SDHA: variants seen among roughly 807,000 people sequenced by gnomAD.
SDHA encodes the protein succinate dehydrogenase [ubiquinone] flavoprotein subunit, mitochondrial.
In SDHA, 48 loss-of-function variants were observed where a neutral mutation model predicts 78.4. The observed-to-expected ratio is 0.61, with a 90% confidence interval of 0.49 to 0.78. The LOEUF (loss-of-function observed/expected upper bound fraction) is 0.78, where lower values mean the gene tolerates loss of function less well. Ranked by LOEUF, SDHA falls within the 30% of genes least tolerant of loss-of-function variation. The pLI is 0.00. For missense variants in SDHA, 680 were observed against 892.7 expected (o/e 0.76, Z 3.04); for synonymous variants, 326 against 353.9 (o/e 0.92, Z 0.88).
At chr5:258,769 C>A (rs1426176435), downstream of SDHA, among the ~76,000 whole-genome samples, 2 of 88,744 alleles carry the variant, frequency 2.3e-5, no homozygotes, top group South Asian at 3.7e-4. Flanking sequence ...CTCCGCCCCC[C>A]GCCACAGCAT....
the SDHA span, among the ~76,000 whole-genome samples, chr5:265,450 G>A: frequency 1.3e-5 from 2 of 152,168 alleles, no homozygotes; most frequent in Non-Finnish European, 2.9e-5. Context: ...CACTCTTGGA[G>A]GTACCTAGGG....
At chr5:265,757 T>C in the SDHA span, among the ~76,000 whole-genome samples, 3 of 149,984 alleles carry the variant, frequency 2.0e-5, no homozygotes, top group African/African-American at 7.4e-5. Context: ...GAGGCGGAGG[T>C]TGCAGTGAGC....
intron 4 of SDHA, 128 bp from the exon 5 acceptor site, chr5:225,755 T>A: frequency 7.2e-7 from 1 of 1,397,226 alleles, no homozygotes; most frequent in South Asian, 1.2e-5. Flanking sequence ...GATGAAGTGT[T>A]GACATTTTCA....
chr5:268,412 C>T, the SDHA span, among the ~76,000 whole-genome samples: 17 of 151,996 alleles, frequency 1.1e-4, 1 homozygote, highest in South Asian at 4.2e-4. Flanking sequence ...TTGATCCACC[C>T]GCCTCAGCCT....
chr5:258,501 T>A (rs1737354392), downstream of SDHA, among the ~76,000 whole-genome samples: 1 of 108,686 alleles, frequency 9.2e-6, no homozygotes, highest in Admixed American at 8.9e-5. Flanking sequence ...AGCATTACCG[T>A]GTGAGCTCCG....
chr5:241,671 TTC>T (rs1370791692), intron 11 of SDHA, among the ~76,000 whole-genome samples: 1 of 152,240 alleles, frequency 6.6e-6, no homozygotes, highest in African/African-American at 2.4e-5. Context: ...TTGCAAGAAT[TTC>T]TGTGTATTTT....
rs1167879925 is a variant in SDHA, at chr5:233,326, G to A, written c.896-151G>A. On this transcript the variant is annotated intron_variant, in intron 7 of 14. Transcript: ENST00000264932. ...CTTTTTGTTATCCAGACTTTCTACT[G>A]TATCTTAACTGTCTTGCTGTGCAGT... 4 of 778,798 alleles carry A rather than the reference G, an allele frequency of 5.1e-6. No homozygotes were observed. The African/African-American group carries it at 6.9e-5, about 13-fold the overall frequency. 48.2% of individuals were successfully genotyped at this position (778,798 alleles called of 1,614,324 possible). A position where few individuals can be genotyped will look rare whatever the true frequency, so the allele number is the denominator to read the frequency against.
chr5:253,941 T>C (rs1033578003), intron 13 of SDHA, among the ~76,000 whole-genome samples: 4 of 152,014 alleles, frequency 2.6e-5, no homozygotes, highest in Admixed American at 6.5e-5. Context: ...CACAGGAGGC[T>C]GAGGCAGGAG....
the SDHA span, among the ~76,000 whole-genome samples, chr5:264,163 A>G: frequency 6.6e-6 from 1 of 152,268 alleles, no homozygotes; most frequent in African/African-American, 2.4e-5. Flanking sequence ...ACAGGGGTCA[A>G]TGGTGGAAGT....
rs745884899 is a variant in SDHA at position 228,241 on chromosome 5, G to A, written c.678G>A (p.Met226Ile). The A allele has an allele frequency of 6.2e-7, 1 of 1,613,846 alleles. No individual in the cohort carries two copies. Among genetic ancestry groups the A allele is most frequent in the South Asian group, 1.1e-5 (1 of 91,066 alleles). The stretch of plus-strand genomic sequence containing the variant: ...AGTATTTTGCCTTGGATCTCCTGAT[G>A]GAGAATGGGGAGTGCCGTGGTGTCA... ...FVEYFALDLL[M>I]ENGECRGVIA... The change falls in exon 6 of 15, where the codon ATG (methionine) becomes ATA (isoleucine). Residue 226 changes from methionine (M) to isoleucine (I), a missense_variant. Met to Ile is a conservative substitution (Grantham distance 10). Coordinates refer to ENST00000264932, the MANE Select transcript of SDHA (RefSeq NM_004168.4).
rs2126568833 is a variant in SDHA at position 230,999 on chromosome 5, AG to A, written c.895+1del. The part of the protein sequence containing the change: ...DLEFVQFHPT[G>X]IYGAGCLITE... ...TAGAGTTTGTTCAGTTCCACCCTAC[AG>A]GTAGGGCAGGACGCCTTGCCCGGCA... On this transcript the variant is annotated frameshift_variant and splice_region_variant, in exon 7 of 15. Transcript: ENST00000264932. LOFTEE classifies it high-confidence loss of function. 2 of 1,613,890 alleles carry A rather than the reference AG, an allele frequency of 1.2e-6. No individual in the cohort carries two copies. Among genetic ancestry groups the A allele is most frequent in the East Asian group, 4.5e-5 (2 of 44,882 alleles).
In SDHA at chr5:237,906, C is replaced by T. The variant is rs1410371702; in HGVS notation, c.1432+1307C>T. 1.4e-4 allele frequency among the ~76,000 whole-genome samples: 19 copies of T among 136,094 alleles called. 1 individual carries two copies. Among genetic ancestry groups the T allele is most frequent in the Non-Finnish European group, 2.4e-4 (16 of 66,636 alleles). 89.3% of individuals were successfully genotyped at this position (136,094 alleles called of 152,430 possible). A position where few individuals can be genotyped will look rare whatever the true frequency, so the allele number is the denominator to read the frequency against. On this transcript the variant is annotated intron_variant, in intron 10 of 14. Transcript: ENST00000264932. ...CTCATCCCCAGCCATTGGTGATCATCGGCGAAGGCGGAGTTCAGGTCCATC... is the reference window on the plus strand; with the variant it reads ...CTCATCCCCAGCCATTGGTGATCATTGGCGAAGGCGGAGTTCAGGTCCATC...
chr5:264,718 G>C, the SDHA span, among the ~76,000 whole-genome samples: 1 of 152,208 alleles, frequency 6.6e-6, no homozygotes, highest in Non-Finnish European at 1.5e-5. Context: ...ATTACTTCGT[G>C]TGTCATCAGA....
chr5:246,800 C>T (rs1736495966), intron 11 of SDHA, among the ~76,000 whole-genome samples: 2 of 152,218 alleles, frequency 1.3e-5, no homozygotes, highest in Admixed American at 1.3e-4. Context: ...ACTCTAACTC[C>T]TTATTTGGAT....
At chr5:242,989 A>G (rs1736237815) in intron 11 of SDHA, among the ~76,000 whole-genome samples, 1 of 152,172 alleles carries the variant, frequency 6.6e-6, no homozygotes, top group Non-Finnish European at 1.5e-5. Context: ...TTTTGAAGAA[A>G]AAGAGTGGCC....
chr5:220,155 G>A (rs1734632335), intron 1 of SDHA: 1 of 282,012 alleles, frequency 3.5e-6, no homozygotes, highest in African/African-American at 2.2e-5. Context: ...GTTCTGTGGT[G>A]TTTTGATCAT....
chr5:258,362 G>A (rs1434566599), downstream of SDHA, among the ~76,000 whole-genome samples: 8 of 113,856 alleles, frequency 7.0e-5, no homozygotes, highest in Admixed American at 1.7e-4. Context: ...TCCTCCTCCT[G>A]TCAGAGCCTT....
intron 13 of SDHA, chr5:251,797 G>A (rs1341908841): frequency 5.5e-6 from 7 of 1,272,304 alleles, no homozygotes; most frequent in Non-Finnish European, 6.1e-6. Flanking sequence ...TAACGAGTAA[G>A]CCATCATTTC....
In SDHA at chr5:236,544, C is replaced by T. The variant is rs1579409909; in HGVS notation, c.1377C>T (p.Asp459=). The part of the protein sequence containing the change: ...ANRLGANSLL[D]LVVFGRACAL... ...GCCTCGGGGCAAACTCGCTCTTGGA[C>T]CTGGTTGTCTTTGGTCGGGCATGTG... The change falls in exon 10 of 15, where the codon GAC becomes GAT. Residue 459 remains aspartate, a synonymous_variant. Transcript: ENST00000264932. The T allele has an allele frequency of 1.9e-6, 3 of 1,614,038 alleles. No individual in the cohort carries two copies. Among genetic ancestry groups the T allele is most frequent in the Non-Finnish European group, 1.7e-6 (2 of 1,179,882 alleles).
Sources: gnomAD v4.1 joint callset for allele counts (sites outside exome capture counted in the v4.1 genomes callset) on GRCh38, gnomAD v4.1.1 for gene constraint, MANE v1.5 for transcripts, NCBI Gene and HGNC (gene_info 2026-07-23, HGNC 2026-07-21) for gene names.